The following SPIDR variants were observed in gnomAD, a reference collection of about 807,000 sequenced individuals.
The protein encoded by SPIDR is scaffold protein involved in DNA repair.
SPIDR carries 93 observed loss-of-function variants against 104.6 expected under a neutral mutation model. The ratio of observed to expected loss-of-function variants is 0.89; its 90% CI spans 0.75 to 1.06. The LOEUF (loss-of-function observed/expected upper bound fraction) is 1.06. Among genes scored for constraint, SPIDR ranks in the 50% least tolerant of loss-of-function variants. The probability of loss-of-function intolerance (pLI) is 0.00; values close to 1 mark genes in which losing one functional copy is unlikely to be tolerated. For synonymous variants in SPIDR, 431 were observed against 416.9 expected, an observed-to-expected ratio of 1.03 and a Z score of -0.41; for missense variants, 1,154 against 1,111.2, an observed-to-expected ratio of 1.04 and a Z score of -0.55.
At chr8:47,298,241 C>T (rs1023713519) in intron 5 of SPIDR, among the ~76,000 whole-genome samples, 49 of 152,310 alleles carry the variant, frequency 3.2e-4, no homozygotes, top group East Asian at 1.3e-3. Flanking sequence ...TGTCTTTTGG[C>T]GGTATAAATG....
chr8:47,654,159 A>G, intron 10 of SPIDR: 4 of 1,289,862 alleles, frequency 3.1e-6, no homozygotes, highest in Non-Finnish European at 4.0e-6. Context: ...GGTGAGTGAC[A>G]TGATTAACTC....
chr8:47,734,833 G>A (rs1485983723), intron 19 of SPIDR, among the ~76,000 whole-genome samples: 1 of 152,190 alleles, frequency 6.6e-6, no homozygotes, highest in Non-Finnish European at 1.5e-5. Flanking sequence ...CAAAAACACA[G>A]AGGATTTTAG....
chr8:47,451,288 AAC>A (rs1210677052), intron 8 of SPIDR, among the ~76,000 whole-genome samples: 1 of 152,178 alleles, frequency 6.6e-6, no homozygotes. Flanking sequence ...AAATTTCAAA[AAC>A]ACACTAGAGA....
rs563890466 is a variant in SPIDR, at chr8:47,584,014, G to A, written c.1098-11797G>A. Among the ~76,000 whole-genome samples the A allele has an allele frequency of 2.6e-5, 4 of 152,184 alleles. No individual in the cohort carries two copies. In the South Asian group the frequency reaches 8.3e-4, roughly 32 times the overall value. ...GTCACAAGTGGTCATTAAAGGGAGA[G>A]TGGAATGAACCAAATGGACCTGGAG... is the stretch of plus-strand genomic sequence containing the variant. On this transcript the variant is annotated intron_variant, in intron 8 of 19. Coordinates refer to ENST00000297423, the MANE Select transcript of SPIDR (RefSeq NM_001080394.4).
At chr8:47,565,971 CATATATATATATAT>C (rs1170408396) in intron 8 of SPIDR, among the ~76,000 whole-genome samples, 1 of 41,474 alleles carries the variant, frequency 2.4e-5, no homozygotes, top group Non-Finnish European at 4.8e-5. Context: ...TATTTATACT[CATATATATATATAT>C]ATATATATTT....
At chr8:47,533,470 A>G (rs1054262712) in intron 8 of SPIDR, among the ~76,000 whole-genome samples, 1 of 152,234 alleles carries the variant, frequency 6.6e-6, no homozygotes, top group Non-Finnish European at 1.5e-5. Flanking sequence ...AAAAGAAACT[A>G]GAAGGAGTAA....
chr8:47,576,403 G>T (rs921743029), intron 8 of SPIDR, among the ~76,000 whole-genome samples: 1 of 152,332 alleles, frequency 6.6e-6, no homozygotes, highest in East Asian at 1.9e-4. Flanking sequence ...CGTCCGCCTT[G>T]GCCTCCCAAA....
chr8:47,396,556 C>T lies in SPIDR; in HGVS notation c.706C>T (p.His236Tyr). The change falls in exon 6 of 20, where the codon CAT (histidine) becomes TAT (tyrosine). Residue 236 changes from histidine (H) to tyrosine (Y), a missense_variant. Physicochemically the swap from His to Tyr is moderately conservative, Grantham distance 83. Transcript: ENST00000297423. ...GACAAAATCAACAGAGACCATTTTG[C>T]ATACACCTCAGAAACCCACAGCTAA... ...PRTKSTETIL[H>Y]TPQKPTAKFP... 1 of 1,614,118 alleles carries T rather than the reference C, an allele frequency of 6.2e-7. No individual in the cohort carries two copies. Among genetic ancestry groups the T allele is most frequent in the South Asian group, 1.1e-5 (1 of 91,082 alleles).
chr8:47,417,842 G>C (rs1215930557), intron 7 of SPIDR, among the ~76,000 whole-genome samples: 4 of 152,062 alleles, frequency 2.6e-5, no homozygotes, highest in Admixed American at 1.3e-4. Flanking sequence ...TTCTACATAT[G>C]GCTAGCCAGT....
chr8:47,430,027 G>A (rs2067081471), intron 7 of SPIDR, among the ~76,000 whole-genome samples: 1 of 151,956 alleles, frequency 6.6e-6, no homozygotes, highest in Admixed American at 6.6e-5. Context: ...TTATTCCCAT[G>A]TGAAAGTCTC....
intron 14 of SPIDR, among the ~76,000 whole-genome samples, chr8:47,703,916 G>A (rs73571454): frequency 0.013 from 1,996 of 152,316 alleles, 44 homozygotes; most frequent in African/African-American, 0.046. Context: ...GACGGCCACC[G>A]AGTAGGATGC....
chr8:47,376,555 A>G (rs2058682460), intron 5 of SPIDR, among the ~76,000 whole-genome samples: 1 of 152,208 alleles, frequency 6.6e-6, no homozygotes, highest in Non-Finnish European at 1.5e-5. Flanking sequence ...GAAAACCCAT[A>G]CAGGGCAACA....
At chr8:47,651,619 AATC>A (rs2071650975) in intron 10 of SPIDR, among the ~76,000 whole-genome samples, 1 of 152,230 alleles carries the variant, frequency 6.6e-6, no homozygotes, top group Non-Finnish European at 1.5e-5. Context: ...AAGGAAAGTA[AATC>A]ATTATATAAA....
At chr8:47,522,415 A>T (rs143758631) in intron 8 of SPIDR, among the ~76,000 whole-genome samples, 1 of 152,136 alleles carries the variant, frequency 6.6e-6, no homozygotes, top group African/African-American at 2.4e-5. Flanking sequence ...CTGTTTTAAA[A>T]TTCATTTATT....
At chr8:47,672,058 A>C (rs1431740086) in intron 10 of SPIDR, among the ~76,000 whole-genome samples, 1 of 152,120 alleles carries the variant, frequency 6.6e-6, no homozygotes, top group Non-Finnish European at 1.5e-5. Flanking sequence ...CCTGGGCTGA[A>C]GTGATCCTCC....
At chr8:47,262,651 G>A (rs1295583356) in intron 1 of SPIDR, among the ~76,000 whole-genome samples, 2 of 152,182 alleles carry the variant, frequency 1.3e-5, no homozygotes, top group African/African-American at 4.8e-5. Flanking sequence ...GTCTTTTATA[G>A]CCTAAACTCA....
intron 10 of SPIDR, among the ~76,000 whole-genome samples, chr8:47,635,210 G>A (rs2067709109): frequency 6.6e-6 from 1 of 152,098 alleles, no homozygotes; most frequent in African/African-American, 2.4e-5. Context: ...TGGACATGAT[G>A]GCACATGCCT....
At chr8:47,571,134 G>A (rs769086249) in intron 8 of SPIDR, among the ~76,000 whole-genome samples, 1 of 152,070 alleles carries the variant, frequency 6.6e-6, no homozygotes, top group Non-Finnish European at 1.5e-5. Flanking sequence ...GTAGAAGGGT[G>A]TACCAGGGCT....
In SPIDR at chr8:47,391,995, C is replaced by CAA. The variant is rs556134389; in HGVS notation, c.526-4364_526-4363dup. On this transcript the variant is annotated intron_variant, in intron 5 of 19. Transcript: ENST00000297423. The stretch of plus-strand genomic sequence containing the variant: ...TCGGCGACAGAGCCAGACTCCGTCT[C>CAA]AAAAAAAAAAAAAAAAAAGAAAGAA... 6.6e-3 allele frequency among the ~76,000 whole-genome samples: 304 copies of CAA among 46,382 alleles called. 3 individuals carry two copies. The highest frequency in any genetic ancestry group is 0.017 in the African/African-American group (266 of 15,632). The allele number at this position is 46,382 out of a possible 152,430, so 30.4% of individuals were successfully genotyped here. A position where few individuals can be genotyped will look rare whatever the true frequency, so the allele number is the denominator to read the frequency against.
Sources: gnomAD v4.1 joint callset for allele counts (sites outside exome capture counted in the v4.1 genomes callset) on GRCh38, gnomAD v4.1.1 for gene constraint, MANE v1.5 for transcripts, NCBI Gene and HGNC (gene_info 2026-07-23, HGNC 2026-07-21) for gene names.